Variants in LCA5 observed in about 807,000 individuals in gnomAD.
The protein encoded by LCA5 is lebercilin.
A neutral mutation model predicts 53.0 loss-of-function variants in LCA5; 37 were observed. The observed-to-expected ratio is 0.70, with a 90% CI of 0.54 to 0.92. The LOEUF (loss-of-function observed/expected upper bound fraction) is 0.92. Among genes scored for constraint, LCA5 ranks in the 40% least tolerant of loss-of-function variants. LCA5 has a pLI of 0.00. For synonymous variants in LCA5, 303 were observed against 282.9 expected (o/e 1.07, Z -0.71); for missense variants, 806 against 790.5 (o/e 1.02, Z -0.23).
chr6:79,537,695 A>G (rs1767198443), upstream of LCA5, among the ~76,000 whole-genome samples: 1 of 151,714 alleles, frequency 6.6e-6, no homozygotes, highest in Non-Finnish European at 1.5e-5. Context: ...TCCGAGAGGG[A>G]CGCGGGCGGA....
At chr6:79,521,645 TTTTA>T (rs1378311163) in intron 1 of LCA5, among the ~76,000 whole-genome samples, 1 of 152,198 alleles carries the variant, frequency 6.6e-6, no homozygotes, top group Non-Finnish European at 1.5e-5. Context: ...TTATGATGGC[TTTTA>T]TTTATTTAAA....
At chr6:79,526,851 C>G (rs1191393391) in intron 1 of LCA5, among the ~76,000 whole-genome samples, 1 of 152,128 alleles carries the variant, frequency 6.6e-6, no homozygotes, top group Non-Finnish European at 1.5e-5. Context: ...GGATTGTCCC[C>G]CTACAAGCTA....
At chr6:79,490,446 A>G (rs1769805447) in intron 6 of LCA5, among the ~76,000 whole-genome samples, 1 of 152,144 alleles carries the variant, frequency 6.6e-6, no homozygotes, top group South Asian at 2.1e-4. Context: ...AGCTAACTCC[A>G]AGGCTATATA....
chr6:79,535,625 GACAT>G (rs1205420197), intron 1 of LCA5, among the ~76,000 whole-genome samples: 3 of 152,070 alleles, frequency 2.0e-5, no homozygotes, highest in Non-Finnish European at 4.4e-5. Flanking sequence ...TTCAATATTG[GACAT>G]ACTGAGTTTG....
chr6:79,513,797 T>A, intron 2 of LCA5, 56 bp from the exon 3 acceptor site: 1 of 1,529,842 alleles, frequency 6.5e-7, no homozygotes, highest in South Asian at 1.1e-5. Context: ...ACAGTGTTAT[T>A]TGTTCATCCT....
intron 1 of LCA5, among the ~76,000 whole-genome samples, chr6:79,529,143 G>A (rs1282774508): frequency 6.6e-6 from 1 of 152,038 alleles, no homozygotes; most frequent in Non-Finnish European, 1.5e-5. Flanking sequence ...TAATTAAAAC[G>A]GCTATTAATA....
In LCA5 at chr6:79,486,918, G is replaced by C. The variant is rs1769672897; in HGVS notation, c.*86C>G. The C allele has an allele frequency of 9.1e-7, 1 of 1,095,742 alleles. No homozygotes were observed. Among genetic ancestry groups the C allele is most frequent in the African/African-American group, 1.6e-5 (1 of 62,990 alleles). The allele number at this position is 1,095,742 out of a possible 1,614,324, so 67.9% of individuals were successfully genotyped here. A position where few individuals can be genotyped will look rare whatever the true frequency, so the allele number is the denominator to read the frequency against. ...ATCATTCCTTAATAAGGACATTTTAGCATTAAAAAGTCTAAATGTTTATAA... is the reference window on the plus strand; with the variant it reads ...ATCATTCCTTAATAAGGACATTTTACCATTAAAAAGTCTAAATGTTTATAA... On this transcript the variant is annotated 3_prime_UTR_variant, in exon 8 of 8. Transcript: ENST00000369846.
chr6:79,519,272 CTAGA>C (rs1766549361), intron 1 of LCA5, among the ~76,000 whole-genome samples, 187 bp from the exon 2 acceptor site: 1 of 152,074 alleles, frequency 6.6e-6, no homozygotes, highest in Non-Finnish European at 1.5e-5. Flanking sequence ...CTGTCATAGC[CTAGA>C]TAGATAATAA....
intron 6 of LCA5, among the ~76,000 whole-genome samples, chr6:79,489,750 T>C (rs1769785323): frequency 2.6e-5 from 4 of 152,268 alleles, no homozygotes; most frequent in African/African-American, 4.8e-5. Flanking sequence ...TTTTTCTTAA[T>C]AAAAGTGAAA....
At chr6:79,509,924 C>T (rs1171633515) in intron 3 of LCA5, among the ~76,000 whole-genome samples, 4 of 152,144 alleles carry the variant, frequency 2.6e-5, no homozygotes, top group African/African-American at 7.2e-5. Flanking sequence ...TGTCAATTCT[C>T]CACAAACTGA....
At chr6:79,492,474 C>A in intron 5 of LCA5, 77 bp downstream of exon 5, 1 of 660,324 alleles carries the variant, frequency 1.5e-6, no homozygotes, top group South Asian at 2.1e-5. Flanking sequence ...TTTTCCTTCC[C>A]TTCCATTTCA....
intron 3 of LCA5, among the ~76,000 whole-genome samples, chr6:79,494,861 TAA>T (rs1369809762): frequency 2.6e-5 from 4 of 152,278 alleles, no homozygotes; most frequent in Admixed American, 2.6e-4. Flanking sequence ...TGTTAAGAAA[TAA>T]AGTGTCTTAG....
chr6:79,515,579 T>C (rs983879699), intron 2 of LCA5, among the ~76,000 whole-genome samples: 1 of 152,078 alleles, frequency 6.6e-6, no homozygotes, highest in African/African-American at 2.4e-5. Context: ...CTGCTAAGAA[T>C]AATGATCTTT....
At chr6:79,502,416 T>A (rs1272825784) in intron 3 of LCA5, among the ~76,000 whole-genome samples, 1 of 152,222 alleles carries the variant, frequency 6.6e-6, no homozygotes, top group Non-Finnish European at 1.5e-5. Flanking sequence ...ATGAAACCTG[T>A]TTTCTTTAAA....
chr6:79,487,429 C>A lies in LCA5; in HGVS notation c.1669G>T (p.Val557Leu). Reference sequence around the variant, plus strand: ...TCTGATGTTTTTGCAAACGAAGGCACGTAGCTACCAAATGCGAACTCATTA... The same window carrying A: ...TCTGATGTTTTTGCAAACGAAGGCAAGTAGCTACCAAATGCGAACTCATTA... ...SPNEFAFGSY[V>L]PSFAKTSERS... is the part of the protein sequence containing the mutation. The change falls in exon 8 of 8, where the codon GTG becomes TTG. Residue 557 changes from valine to leucine, a missense_variant. By Grantham distance (32) the Val-to-Leu change is conservative (BLOSUM62 1). Transcript: ENST00000369846. 1 of 1,613,516 alleles carries A rather than the reference C, an allele frequency of 6.2e-7. No individual in the cohort carries two copies. The highest frequency in any genetic ancestry group is 2.2e-5 in the East Asian group (1 of 44,886).
At chr6:79,537,525 AC>A (rs2127694555), upstream of LCA5, 1 of 152,354 alleles carries the variant, frequency 6.6e-6, no homozygotes, top group South Asian at 2.1e-4. Flanking sequence ...CTTCAGTGGA[AC>A]TGGAAGGCGG....
intron 6 of LCA5, among the ~76,000 whole-genome samples, chr6:79,489,681 T>C (rs1171771250): frequency 6.6e-6 from 1 of 152,122 alleles, no homozygotes; most frequent in South Asian, 2.1e-4. Context: ...CAAATAAAAA[T>C]GTTACAAACT....
chr6:79,537,644 G>A (rs566245900), upstream of LCA5, among the ~76,000 whole-genome samples: 31 of 152,324 alleles, frequency 2.0e-4, no homozygotes, highest in African/African-American at 7.0e-4. Flanking sequence ...GGCTCCTACG[G>A]GCTGTGCGGT....
intron 3 of LCA5, among the ~76,000 whole-genome samples, chr6:79,508,483 C>T (rs1414047850): frequency 3.3e-5 from 5 of 151,860 alleles, no homozygotes; most frequent in Non-Finnish European, 5.9e-5. Flanking sequence ...CCCCCACCAC[C>T]CCCACTTAAG....
Sources: allele counts gnomAD v4.1 joint callset (sites outside exome capture counted in the v4.1 genomes callset), GRCh38; gene constraint gnomAD v4.1.1; transcripts MANE v1.5; gene names NCBI Gene and HGNC (gene_info 2026-07-23, HGNC 2026-07-21).